Variants in ERBB4 observed in about 807,000 individuals in gnomAD.
The protein encoded by ERBB4 is receptor tyrosine-protein kinase erbB-4.
In ERBB4, 42 loss-of-function variants were observed where a neutral mutation model predicts 158.0. The observed-to-expected ratio is 0.27, with a 90% CI of 0.21 to 0.34. The LOEUF (loss-of-function observed/expected upper bound fraction) is 0.34, where lower values mean the gene tolerates loss of function less well. Among genes scored for constraint, ERBB4 ranks in the 10% least tolerant of loss-of-function variants. The pLI, the probability that ERBB4 is intolerant of heterozygous loss-of-function variation, is 1.00. For synonymous variants in ERBB4, 583 were observed against 558.7 expected, an observed-to-expected ratio of 1.04 and a Z score of -0.61; for missense variants, 1,333 against 1,624.1, an observed-to-expected ratio of 0.82 and a Z score of 3.08.
At chr2:212,055,966 G>T (rs1388272380) in intron 2 of ERBB4, among the ~76,000 whole-genome samples, 4 of 152,152 alleles carry the variant, frequency 2.6e-5, no homozygotes, top group Non-Finnish European at 5.9e-5. Context: ...GGCTTCAGAA[G>T]ATCAAACTTC....
At chr2:212,181,240 T>A (rs2081852161) in intron 1 of ERBB4, among the ~76,000 whole-genome samples, 3 of 151,728 alleles carry the variant, frequency 2.0e-5, no homozygotes, top group Admixed American at 2.0e-4. Context: ...TTTATATTAA[T>A]CTTTTCTATT....
chr2:211,561,741 A>T, intron 20 of ERBB4, 162 bp downstream of exon 20: 1 of 681,922 alleles, frequency 1.5e-6, no homozygotes. Context: ...TTTAATCTGT[A>T]GTTTACCTAA....
intron 1 of ERBB4, among the ~76,000 whole-genome samples, chr2:212,228,146 T>C (rs2083538026): frequency 6.6e-6 from 1 of 152,204 alleles, no homozygotes; most frequent in African/African-American, 2.4e-5. Flanking sequence ...TTTCTATATA[T>C]AAAGCTAGAA....
intron 1 of ERBB4, among the ~76,000 whole-genome samples, chr2:212,283,459 G>C (rs546717819): frequency 6.6e-6 from 1 of 152,030 alleles, no homozygotes; most frequent in African/African-American, 2.4e-5. Flanking sequence ...ATAATTAAAA[G>C]TTTATTACTG....
intron 2 of ERBB4, among the ~76,000 whole-genome samples, chr2:212,038,255 T>C (rs2077060096): frequency 6.6e-6 from 1 of 151,968 alleles, no homozygotes; most frequent in Non-Finnish European, 1.5e-5. Flanking sequence ...TATATTAGTC[T>C]CTTTATTTAT....
intron 2 of ERBB4, among the ~76,000 whole-genome samples, chr2:212,116,299 AT>A (rs1559527423): frequency 6.6e-6 from 1 of 151,870 alleles, no homozygotes; most frequent in Non-Finnish European, 1.5e-5. Context: ...ATACTAGTCT[AT>A]TTTTTATTTG....
chr2:212,246,481 T>C (rs944875066), intron 1 of ERBB4, among the ~76,000 whole-genome samples: 4 of 152,182 alleles, frequency 2.6e-5, no homozygotes, highest in Non-Finnish European at 5.9e-5. Context: ...TATAATTAAA[T>C]GAAAAAGCTC....
chr2:211,496,770 C>T (rs1174280372), intron 20 of ERBB4, among the ~76,000 whole-genome samples: 2 of 152,016 alleles, frequency 1.3e-5, no homozygotes, highest in Non-Finnish European at 2.9e-5. Context: ...AATATTTCTG[C>T]CTCAGGGCCT....
At chr2:211,789,346 T>C (rs1309725641) in intron 3 of ERBB4, among the ~76,000 whole-genome samples, 6 of 152,186 alleles carry the variant, frequency 3.9e-5, no homozygotes. Context: ...TGTTCCGCAG[T>C]GCCCACTATC....
chr2:211,948,221 G>A (rs565854046), intron 2 of ERBB4, among the ~76,000 whole-genome samples: 1 of 151,998 alleles, frequency 6.6e-6, no homozygotes, highest in South Asian at 2.1e-4. Flanking sequence ...TGGATCATGA[G>A]GTCAAGAGAT....
intron 1 of ERBB4, among the ~76,000 whole-genome samples, chr2:212,442,279 G>T (rs1257852458): frequency 6.6e-6 from 1 of 150,410 alleles, no homozygotes; most frequent in African/African-American, 2.4e-5. Context: ...GGGAATCATG[G>T]CCCCTCAACA....
chr2:212,351,227 A>G (rs2089239821), intron 1 of ERBB4, among the ~76,000 whole-genome samples: 1 of 152,152 alleles, frequency 6.6e-6, no homozygotes, highest in Non-Finnish European at 1.5e-5. Flanking sequence ...GCAGGCACCA[A>G]GGAAAGACCA....
At chr2:212,157,778 C>A (rs981882193) in intron 1 of ERBB4, among the ~76,000 whole-genome samples, 1 of 152,164 alleles carries the variant, frequency 6.6e-6, no homozygotes, top group Admixed American at 6.6e-5. Context: ...AGGAAATATT[C>A]GTTTAATGAA....
chr2:211,846,688 T>C (rs1334521595), intron 3 of ERBB4, among the ~76,000 whole-genome samples: 4 of 152,110 alleles, frequency 2.6e-5, no homozygotes, highest in Non-Finnish European at 4.4e-5. Context: ...TATATCCTCC[T>C]ACACACCTCC....
intron 1 of ERBB4, among the ~76,000 whole-genome samples, chr2:212,521,420 T>C (rs1337623415): frequency 6.6e-6 from 1 of 151,894 alleles, no homozygotes; most frequent in African/African-American, 2.4e-5. Flanking sequence ...AATAATTCTA[T>C]AAACCATTAT....
At chr2:211,579,254 T>C (rs4632910) in intron 19 of ERBB4, among the ~76,000 whole-genome samples, 1 of 152,088 alleles carries the variant, frequency 6.6e-6, no homozygotes, top group East Asian at 1.9e-4. Context: ...TGAGGTACCA[T>C]CTCATGCCCG....
At chr2:211,891,905 G>A (rs2078979094) in intron 3 of ERBB4, among the ~76,000 whole-genome samples, 1 of 136,194 alleles carries the variant, frequency 7.3e-6, no homozygotes, top group South Asian at 2.4e-4. Flanking sequence ...TGAAATTGTG[G>A]CAATAATCGA....
At chr2:211,520,597 T>C (rs539277618) in intron 20 of ERBB4, among the ~76,000 whole-genome samples, 4 of 152,186 alleles carry the variant, frequency 2.6e-5, no homozygotes, top group African/African-American at 9.6e-5. Flanking sequence ...ATCTGGCTTG[T>C]TACATAAAAA....
chr2:211,823,067 A>G (rs940456837), intron 3 of ERBB4, among the ~76,000 whole-genome samples: 1 of 151,986 alleles, frequency 6.6e-6, no homozygotes, highest in African/African-American at 2.4e-5. Flanking sequence ...AACTGCCCCA[A>G]TCCAACCTAG....
Sources: gnomAD v4.1 joint callset for allele counts (sites outside exome capture counted in the v4.1 genomes callset) on GRCh38, gnomAD v4.1.1 for gene constraint, MANE v1.5 for transcripts, NCBI Gene and HGNC (gene_info 2026-07-23, HGNC 2026-07-21) for gene names.